BBS9: variants seen among roughly 807,000 people sequenced by gnomAD.
The protein encoded by BBS9 is Bardet-Biedl syndrome 9, also known as protein PTHB1.
Under a neutral mutation model 117.7 loss-of-function variants are expected in BBS9, and 89 were observed. The ratio of observed to expected loss-of-function variants is 0.76; its 90% CI spans 0.64 to 0.90. The LOEUF (loss-of-function observed/expected upper bound fraction) is 0.90, where lower values mean the gene tolerates loss of function less well. Ranked by LOEUF, BBS9 falls within the 40% of genes least tolerant of loss-of-function variation. The pLI, the probability that BBS9 is intolerant of heterozygous loss-of-function variation, is 0.00. For missense variants in BBS9, 982 were observed against 1,042.2 expected (o/e 0.94, Z 0.80); for synonymous variants, 379 against 370.9 (o/e 1.02, Z -0.25).
intron 21 of BBS9, among the ~76,000 whole-genome samples, chr7:33,554,608 T>C (rs935623247): frequency 6.6e-6 from 1 of 151,870 alleles, no homozygotes; most frequent in Non-Finnish European, 1.5e-5. Context: ...TGTATGTGAG[T>C]TGGGGAGGGC....
intron 9 of BBS9, among the ~76,000 whole-genome samples, chr7:33,325,827 TC>T (rs1584331604): frequency 1.3e-5 from 2 of 152,082 alleles, no homozygotes; most frequent in African/African-American, 4.8e-5. Context: ...CCTTACCTTT[TC>T]CCCAACAAAA....
chr7:33,420,609 C>T (rs1014427296), intron 19 of BBS9, among the ~76,000 whole-genome samples: 2 of 152,028 alleles, frequency 1.3e-5, no homozygotes, highest in African/African-American at 2.4e-5. Context: ...ATAGCATAGC[C>T]GAGAAATCCA....
intron 21 of BBS9, among the ~76,000 whole-genome samples, chr7:33,603,909 C>T (rs1234523613): frequency 1.3e-5 from 2 of 152,162 alleles, no homozygotes; most frequent in East Asian, 1.9e-4. Flanking sequence ...TGCCACTTCC[C>T]TCTCATTTGA....
chr7:33,403,958 C>T (rs956101313), intron 19 of BBS9, among the ~76,000 whole-genome samples: 3 of 152,114 alleles, frequency 2.0e-5, no homozygotes, highest in Non-Finnish European at 2.9e-5. Flanking sequence ...CCTATTTCTC[C>T]ACATCCTCTC....
At chr7:33,464,972 C>T (rs887838300) in intron 19 of BBS9, among the ~76,000 whole-genome samples, 9 of 152,080 alleles carry the variant, frequency 5.9e-5, no homozygotes, top group Admixed American at 5.2e-4. Flanking sequence ...ACTACAGACG[C>T]GTGCCACCAT....
chr7:33,202,233 A>C (rs1786004287), intron 5 of BBS9, among the ~76,000 whole-genome samples: 2 of 152,216 alleles, frequency 1.3e-5, no homozygotes, highest in South Asian at 4.1e-4. Context: ...GGCATTCTTA[A>C]CTTTGGCAGA....
intron 17 of BBS9, among the ~76,000 whole-genome samples, chr7:33,377,037 G>A (rs78025634): frequency 6.6e-6 from 1 of 152,000 alleles, no homozygotes. Context: ...CTGTGCAGAC[G>A]CTCTTTAGTT....
At chr7:33,189,997 C>T (rs1783821001) in intron 5 of BBS9, among the ~76,000 whole-genome samples, 1 of 151,668 alleles carries the variant, frequency 6.6e-6, no homozygotes, top group African/African-American at 2.4e-5. Context: ...GCTGGGATTA[C>T]AGGTGTGAGC....
At chr7:33,327,989 T>G (rs535994772) in intron 9 of BBS9, among the ~76,000 whole-genome samples, 3 of 152,292 alleles carry the variant, frequency 2.0e-5, no homozygotes, top group Admixed American at 2.0e-4. Context: ...GTAGCCATGT[T>G]GAGCTTTAGA....
chr7:33,309,223 G>T (rs901135290), intron 9 of BBS9, among the ~76,000 whole-genome samples: 1 of 152,170 alleles, frequency 6.6e-6, no homozygotes, highest in Non-Finnish European at 1.5e-5. Context: ...ATTCTTAGGT[G>T]ATTCTAATAT....
At chr7:33,588,428 C>T (rs1443863182) in intron 21 of BBS9, among the ~76,000 whole-genome samples, 1 of 152,104 alleles carries the variant, frequency 6.6e-6, no homozygotes, top group Non-Finnish European at 1.5e-5. Flanking sequence ...CCTAATCTCT[C>T]AGCCTAAATT....
Position 33,146,276 on chromosome 7 carries a change from T to C in BBS9, c.24T>C (p.Asp8=). 2 of 1,613,900 alleles carry C rather than the reference T, an allele frequency of 1.2e-6. No homozygotes were observed. Among genetic ancestry groups the C allele is most frequent in the Non-Finnish European group, 1.7e-6 (2 of 1,179,756 alleles). ...AAATGTCTTTATTTAAAGCCCGTGA[T>C]TGGTGGTCTACTATTCTGGGAGATA... MSLFKAR[D]WWSTILGDKE... is the part of the protein sequence containing the mutation. Residue 8 remains aspartate, a synonymous_variant, in exon 2 of 23, where the codon GAT becomes GAC. Coordinates refer to ENST00000242067, the MANE Select transcript of BBS9 (RefSeq NM_198428.3).
At chr7:33,167,777 C>T (rs753172190) in intron 4 of BBS9, among the ~76,000 whole-genome samples, 6 of 152,082 alleles carry the variant, frequency 3.9e-5, no homozygotes, top group East Asian at 1.9e-4. Context: ...GAGTGCTTGT[C>T]GGGGTCCTTT....
intron 5 of BBS9, among the ~76,000 whole-genome samples, chr7:33,233,392 C>G (rs1792862490): frequency 6.6e-6 from 1 of 151,938 alleles, no homozygotes. Context: ...ATCATTTTAC[C>G]TAGAAGAGGG....
In BBS9 at chr7:33,524,890, C is replaced by T. The variant is rs188127879; in HGVS notation, c.2299-9064C>T. ...TGCTTTCTCTTGTGGGCATTTAGTG[C>T]TATAAATTTCCCTGTACGCACTGCT... On this transcript the variant is annotated intron_variant, in intron 20 of 22. Transcript: ENST00000242067. Among the ~76,000 whole-genome samples the T allele has an allele frequency of 4.4e-3, 670 of 152,308 alleles. 5 individuals carry two copies. Among genetic ancestry groups the T allele is most frequent in the African/African-American group, 0.015 (633 of 41,564 alleles).
rs560938900 is a variant in BBS9, at chr7:33,315,734, G to C, written c.1017-20707G>C. On this transcript the variant is annotated intron_variant, in intron 9 of 22. Coordinates refer to ENST00000242067, the MANE Select transcript of BBS9 (RefSeq NM_198428.3). Reference sequence around the variant, plus strand: ...TAGATTTTATGTATCATCTTTCTAGGTGTGTTGGTGGTGTCATTTTATGTG... The same window carrying C: ...TAGATTTTATGTATCATCTTTCTAGCTGTGTTGGTGGTGTCATTTTATGTG... Among the ~76,000 whole-genome samples the C allele has an allele frequency of 2.6e-5, 4 of 152,218 alleles. No individual in the cohort carries two copies. The South Asian group carries it at 8.3e-4, about 32-fold the overall frequency.
intron 5 of BBS9, among the ~76,000 whole-genome samples, chr7:33,254,234 C>G (rs1342718095): frequency 6.6e-6 from 1 of 152,088 alleles, no homozygotes; most frequent in African/African-American, 2.4e-5. Context: ...TTACCACTTT[C>G]TTTTTTTCTG....
chr7:33,391,468 A>G (rs1827065333), intron 19 of BBS9, among the ~76,000 whole-genome samples: 1 of 152,200 alleles, frequency 6.6e-6, no homozygotes, highest in African/African-American at 2.4e-5. Flanking sequence ...CCTTACAGGT[A>G]TGTTGTACCA....
intron 5 of BBS9, among the ~76,000 whole-genome samples, chr7:33,234,717 A>G (rs1793151681): frequency 1.3e-5 from 2 of 151,838 alleles, no homozygotes. Context: ...ACACACACAC[A>G]TACATTTATA....
Sources: allele counts gnomAD v4.1 joint callset (sites outside exome capture counted in the v4.1 genomes callset), GRCh38; gene constraint gnomAD v4.1.1; transcripts MANE v1.5; gene names NCBI Gene and HGNC (gene_info 2026-07-23, HGNC 2026-07-21).